Variants in GABRA3 observed in about 807,000 individuals in gnomAD.
GABRA3 encodes the protein gamma-aminobutyric acid type A receptor subunit alpha3.
Under a neutral mutation model 30.1 loss-of-function variants are expected in GABRA3, and 10 were observed. That is an observed-to-expected ratio of 0.33 (90% CI 0.20 to 0.56). The LOEUF is 0.56. GABRA3 is among the 20% of genes least tolerant of loss of function. GABRA3 has a pLI of 0.89. For synonymous variants in GABRA3, 151 were observed against 146.8 expected, an observed-to-expected ratio of 1.03 and a Z score of -0.21; for missense variants, 233 against 392.0, an observed-to-expected ratio of 0.59 and a Z score of 3.42.
intron 8 of GABRA3, among the ~76,000 whole-genome samples, chrX:152,192,973 G>T (rs1451403051): frequency 9.0e-6 from 1 of 111,723 alleles, no homozygotes; most frequent in Admixed American, 9.5e-5. Flanking sequence ...CACTGTTTTG[G>T]TTCTCAAAAT....
intron 2 of GABRA3, among the ~76,000 whole-genome samples, chrX:152,349,488 C>G (rs1170797834): frequency 9.2e-6 from 1 of 108,457 alleles, no homozygotes; most frequent in Non-Finnish European, 1.9e-5. Context: ...ACTAAGTGCT[C>G]CAATTAAAAG....
intron 1 of GABRA3, among the ~76,000 whole-genome samples, chrX:152,415,659 A>T (rs1333869747): frequency 2.7e-5 from 3 of 111,363 alleles, no homozygotes; most frequent in Non-Finnish European, 5.7e-5. Context: ...AATATTAATG[A>T]AGTCTATGGC....
At chrX:152,245,898 C>A (rs1938453832) in intron 5 of GABRA3, among the ~76,000 whole-genome samples, 1 of 111,745 alleles carries the variant, frequency 8.9e-6, no homozygotes, top group Admixed American at 9.5e-5. Context: ...GGACTATAAG[C>A]AACTTGAGAG....
chrX:152,256,318 C>T (rs750360822), intron 4 of GABRA3, among the ~76,000 whole-genome samples: 16 of 111,133 alleles, frequency 1.4e-4, no homozygotes, highest in African/African-American at 4.9e-4. Context: ...TGCAGTGACA[C>T]CCAAATAAGA....
intron 6 of GABRA3, 25 bp downstream of exon 6, chrX:152,224,738 A>C: frequency 1.2e-6 from 1 of 828,717 alleles, no homozygotes; most frequent in African/African-American, 2.1e-5. Flanking sequence ...AAAAAAAGAC[A>C]GAGAGAGAGA....
At chrX:152,404,130 G>T (rs1929867081) in intron 1 of GABRA3, among the ~76,000 whole-genome samples, 1 of 111,546 alleles carries the variant, frequency 9.0e-6, no homozygotes, top group Non-Finnish European at 1.9e-5. Flanking sequence ...GGATGGAAAA[G>T]AAAGATATGA....
Position 152,269,468 on chromosome X carries a change from C to G in GABRA3, c.331-13470G>C, listed in dbSNP as rs773497607. Among the ~76,000 whole-genome samples the G allele has an allele frequency of 3.6e-5, 4 of 111,824 alleles. No homozygotes were observed. In the East Asian group the frequency reaches 1.1e-3, roughly 31 times the overall value. On this transcript the variant is annotated intron_variant, in intron 4 of 9. Coordinates refer to ENST00000370314, the MANE Select transcript of GABRA3 (RefSeq NM_000808.4). ...CCAAAAATACCAATGACATTCTCCACAGAAAAAGAAAAGACGAATCCTAAA... is the reference window on the plus strand; with the variant it reads ...CCAAAAATACCAATGACATTCTCCAGAGAAAAAGAAAAGACGAATCCTAAA...
At chrX:152,181,426 TTTTTC>T (rs756224969) in intron 9 of GABRA3, among the ~76,000 whole-genome samples, 9 of 111,809 alleles carry the variant, frequency 8.0e-5, no homozygotes, top group South Asian at 7.4e-4. Flanking sequence ...TCTAACAGCT[TTTTTC>T]TTTTCTTTTC....
chrX:152,260,203 C>T (rs756249699), intron 4 of GABRA3, among the ~76,000 whole-genome samples: 3 of 110,957 alleles, frequency 2.7e-5, no homozygotes, highest in Admixed American at 1.9e-4. Context: ...GGTTTAAGAG[C>T]CAGCTCAGCT....
intron 9 of GABRA3, among the ~76,000 whole-genome samples, chrX:152,187,926 G>T (rs954694432): frequency 3.6e-5 from 4 of 112,110 alleles, no homozygotes; most frequent in African/African-American, 1.3e-4. Flanking sequence ...CAGAAAAAGA[G>T]AATGTGACCC....
intron 9 of GABRA3, among the ~76,000 whole-genome samples, chrX:152,181,048 G>A (rs1234661641): frequency 2.9e-5 from 3 of 104,312 alleles, no homozygotes; most frequent in Non-Finnish European, 3.9e-5. Flanking sequence ...GTAAGTCTTA[G>A]GACTGTATCT....
intron 9 of GABRA3, among the ~76,000 whole-genome samples, chrX:152,179,441 C>T (rs1215372780): frequency 9.1e-6 from 1 of 110,310 alleles, no homozygotes; most frequent in Non-Finnish European, 1.9e-5. Context: ...AACAACTACC[C>T]CCAACTCCCA....
chrX:152,196,418 AAAAG>A (rs1186938119), intron 8 of GABRA3, among the ~76,000 whole-genome samples: 54 of 108,493 alleles, frequency 5.0e-4, no homozygotes, highest in South Asian at 4.9e-3. Flanking sequence ...GAAAAAAAAA[AAAAG>A]AAAGAAAGAA....
intron 1 of GABRA3, among the ~76,000 whole-genome samples, chrX:152,380,302 C>T (rs1365352415): frequency 1.8e-5 from 2 of 111,540 alleles, no homozygotes; most frequent in African/African-American, 6.5e-5. Context: ...TTCTACTCTG[C>T]TTCTATGAAT....
At chrX:152,449,147 A>G (rs748040467) in intron 1 of GABRA3, among the ~76,000 whole-genome samples, 2 of 112,367 alleles carry the variant, frequency 1.8e-5, no homozygotes, top group South Asian at 7.4e-4. Context: ...TTATTAAGAA[A>G]AAGCAAATTT....
chrX:152,285,360 A>C (rs1036739445), intron 3 of GABRA3, among the ~76,000 whole-genome samples: 9 of 111,847 alleles, frequency 8.0e-5, no homozygotes, highest in African/African-American at 2.6e-4. Context: ...TGAATGAGAA[A>C]TAATTTTTGG....
chrX:152,246,867 A>G (rs958196683), intron 5 of GABRA3, among the ~76,000 whole-genome samples: 7 of 111,563 alleles, frequency 6.3e-5, no homozygotes, highest in Admixed American at 1.9e-4. Context: ...AAAAAAAAAG[A>G]CTGTGTGAAA....
intron 2 of GABRA3, among the ~76,000 whole-genome samples, chrX:152,351,596 A>G (rs1262230922): frequency 1.8e-5 from 2 of 112,144 alleles, no homozygotes; most frequent in Non-Finnish European, 3.8e-5. Flanking sequence ...AACTTTCTCC[A>G]TATTTGCAAT....
intron 1 of GABRA3, among the ~76,000 whole-genome samples, chrX:152,406,424 G>C (rs919723436): frequency 6.6e-5 from 7 of 106,753 alleles, no homozygotes; most frequent in African/African-American, 2.4e-4. Context: ...CAAAACAGAA[G>C]GATTAGCTAT....
Sources: gnomAD v4.1 joint callset for allele counts (sites outside exome capture counted in the v4.1 genomes callset) on GRCh38, gnomAD v4.1.1 for gene constraint, MANE v1.5 for transcripts, NCBI Gene and HGNC (gene_info 2026-07-23, HGNC 2026-07-21) for gene names.